Variants in ECM2 observed in about 807,000 individuals in gnomAD.
ECM2 encodes the protein extracellular matrix protein 2, female organ and adipocyte specific.
Under a neutral mutation model 67.5 loss-of-function variants are expected in ECM2, and 57 were observed. The observed-to-expected ratio is 0.84, with a 90% CI of 0.68 to 1.05. The LOEUF (loss-of-function observed/expected upper bound fraction) is 1.05, where lower values mean the gene tolerates loss of function less well. Ranked by LOEUF, ECM2 falls within the 50% of genes least tolerant of loss-of-function variation. ECM2 has a pLI of 0.00. For synonymous variants in ECM2, 258 were observed against 294.5 expected (o/e 0.88, Z 1.27); for missense variants, 741 against 822.8 (o/e 0.90, Z 1.22).
intron 2 of ECM2, among the ~76,000 whole-genome samples, chr9:92,518,948 C>T (rs1847896708): frequency 1.3e-5 from 2 of 152,110 alleles, no homozygotes; most frequent in African/African-American, 4.8e-5. Flanking sequence ...TCCCTACATA[C>T]AAGATTGTAG....
At chr9:92,551,955 T>TATATATATATATATATG in the ECM2 span, among the ~76,000 whole-genome samples, 1 of 119,748 alleles carries the variant, frequency 8.4e-6, no homozygotes, top group African/African-American at 4.1e-5. Context: ...ATATATATGA[T>TATATATATATATATATG]ATATATATGT....
intron 2 of ECM2, among the ~76,000 whole-genome samples, chr9:92,521,770 T>A (rs1184864910): frequency 1.3e-5 from 2 of 152,214 alleles, no homozygotes; most frequent in African/African-American, 4.8e-5. Flanking sequence ...TTTAATTCTA[T>A]TTGTGGTTGA....
chr9:92,525,580 C>T (rs990551892), intron 1 of ECM2, among the ~76,000 whole-genome samples: 1 of 152,140 alleles, frequency 6.6e-6, no homozygotes, highest in African/African-American at 2.4e-5. Flanking sequence ...AAACCTACTG[C>T]ACTTCCAGTC....
downstream of ECM2, chr9:92,494,015 T>G (rs563623557): frequency 1.9e-5 from 29 of 1,521,888 alleles, no homozygotes; most frequent in Non-Finnish European, 2.6e-5. Flanking sequence ...CGTCGCATTG[T>G]CACCCATTTT....
chr9:92,495,339 G>T lies in ECM2; in HGVS notation c.*976C>A. 1 of 932,904 alleles carries T rather than the reference G, an allele frequency of 1.1e-6. No individual in the cohort carries two copies. Among genetic ancestry groups the T allele is most frequent in the Non-Finnish European group, 1.3e-6 (1 of 782,172 alleles). 57.8% of individuals were successfully genotyped at this position (932,904 alleles called of 1,614,324 possible). A position where few individuals can be genotyped will look rare whatever the true frequency, so the allele number is the denominator to read the frequency against. On this transcript the variant is annotated 3_prime_UTR_variant, in exon 10 of 10. Transcript: ENST00000344604. ...ATTATGTTAGAAAATTTTAATATAT[G>T]ATTTTGGTAGGGCCAATACATAGTA... is the stretch of plus-strand genomic sequence containing the variant.
chr9:92,556,255 T>G, the ECM2 span, among the ~76,000 whole-genome samples: 3 of 152,208 alleles, frequency 2.0e-5, no homozygotes, highest in Admixed American at 2.0e-4. Flanking sequence ...GAGAGAGTGT[T>G]GGATATAATT....
intron 6 of ECM2, among the ~76,000 whole-genome samples, chr9:92,506,585 T>G (rs1204896910): frequency 6.6e-6 from 1 of 152,176 alleles, no homozygotes; most frequent in Non-Finnish European, 1.5e-5. Context: ...GAATGCCATG[T>G]GGGACTCCGT....
At chr9:92,556,508 G>C in the ECM2 span, among the ~76,000 whole-genome samples, 5 of 152,216 alleles carry the variant, frequency 3.3e-5, no homozygotes, top group Middle Eastern at 3.4e-3. Context: ...ATAAATTTGG[G>C]AGCACCAGTG....
chr9:92,515,905 A>G (rs1847674217), intron 3 of ECM2, among the ~76,000 whole-genome samples: 1 of 152,146 alleles, frequency 6.6e-6, no homozygotes, highest in Non-Finnish European at 1.5e-5. Context: ...TTATCCTTCC[A>G]TGATGGTGGG....
rs996696364 is a variant in ECM2, at chr9:92,502,721, A to G, written c.1465-69T>C. 17 of 1,285,910 alleles carry G rather than the reference A, an allele frequency of 1.3e-5. No individual in the cohort carries two copies. In the South Asian group the frequency reaches 1.9e-4, roughly 14 times the overall value. 79.7% of individuals were successfully genotyped at this position (1,285,910 alleles called of 1,614,324 possible). Reference sequence around the variant, plus strand: ...TGATACGTTCAATTTCATGGAGACTAAAATAGTGACATAGACTATTATCAT... The same window carrying G: ...TGATACGTTCAATTTCATGGAGACTGAAATAGTGACATAGACTATTATCAT... On this transcript the variant is annotated intron_variant, in intron 7 of 9. Coordinates refer to ENST00000344604, the MANE Select transcript of ECM2 (RefSeq NM_001393.4).
At chr9:92,516,827 T>C (rs892221111) in intron 3 of ECM2, 2 of 152,214 alleles carry the variant, frequency 1.3e-5, no homozygotes, top group African/African-American at 4.8e-5. Flanking sequence ...CAAAACACAA[T>C]TTCTAAATAG....
chr9:92,494,008 C>T (rs1048706853), downstream of ECM2: 33 of 1,477,058 alleles, frequency 2.2e-5, no homozygotes, highest in South Asian at 2.0e-4. Context: ...GTGTGCTCGT[C>T]GCATTGTCAC....
At chr9:92,545,170 G>A in the ECM2 span, among the ~76,000 whole-genome samples, 4 of 152,192 alleles carry the variant, frequency 2.6e-5, no homozygotes, top group Non-Finnish European at 4.4e-5. Flanking sequence ...TTCAGCCCAC[G>A]CTGTGCTGTG....
the ECM2 span, among the ~76,000 whole-genome samples, chr9:92,551,935 A>G: frequency 2.7e-4 from 26 of 97,320 alleles, no homozygotes; most frequent in South Asian, 5.4e-4. Flanking sequence ...GTATATATAT[A>G]TATATATATA....
At chr9:92,545,643 G>A in the ECM2 span, among the ~76,000 whole-genome samples, 6 of 152,212 alleles carry the variant, frequency 3.9e-5, no homozygotes, top group African/African-American at 1.4e-4. Flanking sequence ...CACAGGGCGC[G>A]GGACTGGCAG....
At chr9:92,514,382 C>T (rs781178399) in intron 4 of ECM2, among the ~76,000 whole-genome samples, 37 of 151,046 alleles carry the variant, frequency 2.4e-4, no homozygotes, top group Non-Finnish European at 5.0e-4. Flanking sequence ...TCAAACGATT[C>T]TCCTGCCTCG....
At chr9:92,511,092 C>G (rs1847307667) in intron 5 of ECM2, among the ~76,000 whole-genome samples, 1 of 152,142 alleles carries the variant, frequency 6.6e-6, no homozygotes, top group Non-Finnish European at 1.5e-5. Flanking sequence ...CCCCTTTTCT[C>G]TTGGCTCTGA....
the ECM2 span, among the ~76,000 whole-genome samples, chr9:92,555,687 A>G: frequency 6.6e-6 from 1 of 152,150 alleles, no homozygotes; most frequent in South Asian, 2.1e-4. Context: ...ATAGGTGTTC[A>G]TAGTAGCCTT....
chr9:92,551,647 T>A, the ECM2 span, among the ~76,000 whole-genome samples: 7 of 152,076 alleles, frequency 4.6e-5, no homozygotes, highest in Admixed American at 3.3e-4. Context: ...CTGCACCCTA[T>A]TTGTTGTCTT....
Sources: gnomAD v4.1 joint callset for allele counts (sites outside exome capture counted in the v4.1 genomes callset) on GRCh38, gnomAD v4.1.1 for gene constraint, MANE v1.5 for transcripts, NCBI Gene and HGNC (gene_info 2026-07-23, HGNC 2026-07-21) for gene names.